The following H2BC18 variants were observed in gnomAD, a reference collection of about 807,000 sequenced individuals.
H2BC18 encodes H2B clustered histone 18.
H2BC18 carries 8 observed loss-of-function variants against 6.3 expected under a neutral mutation model. The observed-to-expected ratio is 1.28, with a 90% CI of 0.75 to 2.31. The LOEUF (loss-of-function observed/expected upper bound fraction) is 2.31, where lower values mean the gene tolerates loss of function less well. H2BC18 is among the 30% of genes most tolerant of loss of function. H2BC18 has a pLI of 0.00. For missense variants in H2BC18, 106 were observed against 174.5 expected (o/e 0.61, Z 2.21); for synonymous variants, 104 against 78.1 (o/e 1.33, Z -1.75).
rs80039899 is a variant in H2BC18 at position 149,784,064 on chromosome 1, C to T, written c.378-804G>A. On this transcript the variant is annotated intron_variant, in intron 1 of 1. Coordinates refer to the H2BC18 transcript ENST00000545683. ...GGGTCAGCGTGTTCCAAGAGGAAAC[C>T]GTAACCTTGCACTGTGAGGTGCTCC... is the stretch of plus-strand genomic sequence containing the variant. 10,785 of 1,610,810 alleles carry T rather than the reference C, an allele frequency of 6.7e-3. 204 individuals carry two copies. Among genetic ancestry groups the T allele is most frequent in the African/African-American group, 0.047 (3,522 of 74,232 alleles).
intron 1 of H2BC18, among the ~76,000 whole-genome samples, chr1:149,796,935 CAG>C (rs1571408321): frequency 6.6e-6 from 1 of 152,098 alleles, no homozygotes; most frequent in South Asian, 2.1e-4. Flanking sequence ...TTTTTTGAGA[CAG>C]AGTTTCGTTG....
chr1:149,810,204 A>T (rs1258507121), downstream of H2BC18, among the ~76,000 whole-genome samples: 1 of 152,136 alleles, frequency 6.6e-6, no homozygotes, highest in Admixed American at 6.5e-5. Context: ...CTTATGGCCC[A>T]ACTGTATAGA....
chr1:149,803,615 G>A (rs2091892725), intron 1 of H2BC18: 1 of 152,182 alleles, frequency 6.6e-6, no homozygotes, highest in Non-Finnish European at 1.5e-5. Context: ...CAGTATCCAG[G>A]CTTGGATAAA....
chr1:149,810,907 C>A (rs2091965591), downstream of H2BC18: 2 of 152,120 alleles, frequency 1.3e-5, no homozygotes, highest in Admixed American at 1.3e-4. Flanking sequence ...AGGAGAAGCA[C>A]CTGGAAGCAG....
intron 1 of H2BC18, among the ~76,000 whole-genome samples, chr1:149,801,069 GA>G (rs1303964261): frequency 6.6e-6 from 1 of 152,140 alleles, no homozygotes; most frequent in Non-Finnish European, 1.5e-5. Flanking sequence ...ATGGGTAATA[GA>G]GTGAGACCCG....
At chr1:149,801,079 C>T (rs1160079567) in intron 1 of H2BC18, among the ~76,000 whole-genome samples, 12 of 152,138 alleles carry the variant, frequency 7.9e-5, no homozygotes, top group South Asian at 2.1e-4. Context: ...GAGTGAGACC[C>T]GGTCTCTAGA....
downstream of H2BC18, chr1:149,810,374 T>C (rs1553754274): frequency 2.0e-5 from 3 of 151,516 alleles, no homozygotes. Context: ...ACTGGGAATC[T>C]TTATTTTCTA....
downstream of H2BC18, among the ~76,000 whole-genome samples, chr1:149,807,511 CGGGGGG>C (rs1163656295): frequency 1.3e-4 from 1 of 7,916 alleles, no homozygotes; most frequent in Non-Finnish European, 1.8e-4. Flanking sequence ...AAAGGCATGG[CGGGGGG>C]GGGGGGGGGC....
intron 1 of H2BC18, chr1:149,793,151 G>A: frequency 3.9e-6 from 5 of 1,278,644 alleles, no homozygotes; most frequent in Non-Finnish European, 4.1e-6. Context: ...GCGGAGAGGA[G>A]GATTGGTAGA....
intron 1 of H2BC18, chr1:149,784,408 A>C (rs1426923437): frequency 2.1e-6 from 3 of 1,419,410 alleles, no homozygotes; most frequent in African/African-American, 1.4e-5. Flanking sequence ...CAGTATACTC[A>C]AAACATCACA....
At chr1:149,796,886 T>A (rs1553752836) in intron 1 of H2BC18, among the ~76,000 whole-genome samples, 2 of 152,232 alleles carry the variant, frequency 1.3e-5, no homozygotes, top group Non-Finnish European at 2.9e-5. Context: ...TATTCTCTCC[T>A]CAGTGTTTGG....
intron 1 of H2BC18, among the ~76,000 whole-genome samples, chr1:149,785,248 T>A (rs1204338804): frequency 6.6e-6 from 1 of 152,144 alleles, no homozygotes; most frequent in Non-Finnish European, 1.5e-5. Context: ...GAGGCAAAAT[T>A]GCCTTTATGC....
intron 1 of H2BC18, chr1:149,805,374 A>G (rs587638274): frequency 6.6e-6 from 1 of 152,244 alleles, no homozygotes; most frequent in African/African-American, 2.4e-5. Flanking sequence ...CTCATGTATA[A>G]TCCCTTGACT....
chr1:149,791,575 G>A, intron 1 of H2BC18: 3 of 1,604,426 alleles, frequency 1.9e-6, no homozygotes, highest in Non-Finnish European at 2.5e-6. Flanking sequence ...TGCTCCCCGT[G>A]AGCACTGCGT....
intron 1 of H2BC18, among the ~76,000 whole-genome samples, chr1:149,785,334 C>A (rs1335226417): frequency 1.3e-5 from 2 of 150,694 alleles, no homozygotes; most frequent in African/African-American, 2.4e-5. Context: ...GCTTGATGTT[C>A]CTCATGTGTC....
chr1:149,804,581 C>T (rs1410725655), intron 1 of H2BC18, among the ~76,000 whole-genome samples: 10 of 151,980 alleles, frequency 6.6e-5, no homozygotes, highest in Admixed American at 6.5e-4. Flanking sequence ...TACAATGGTG[C>T]TCTTGCTAGC....
downstream of H2BC18, chr1:149,810,354 A>T (rs1285276052): frequency 4.6e-5 from 7 of 152,074 alleles, no homozygotes; most frequent in Non-Finnish European, 8.8e-5. Flanking sequence ...GATCAGAAAA[A>T]GATGACTAAA....
intron 1 of H2BC18, among the ~76,000 whole-genome samples, chr1:149,800,813 T>C (rs140539572): frequency 2.1e-3 from 323 of 151,708 alleles, no homozygotes; most frequent in Admixed American, 4.5e-3. Flanking sequence ...CAGCCAGACA[T>C]GGTGGTTCAC....
chr1:149,788,683 A>C, intron 1 of H2BC18: 1 of 1,557,740 alleles, frequency 6.4e-7, no homozygotes, highest in Non-Finnish European at 8.8e-7. Context: ...TAAATATTCT[A>C]AACTCCTCAC....
Sources: allele counts gnomAD v4.1 joint callset (sites outside exome capture counted in the v4.1 genomes callset), GRCh38; gene constraint gnomAD v4.1.1; transcripts MANE v1.5; gene names NCBI Gene and HGNC (gene_info 2026-07-23, HGNC 2026-07-21).